Variants in RYR3 observed in about 807,000 individuals in gnomAD.
RYR3 encodes brain ryanodine receptor-calcium release channel.
RYR3 carries 207 observed loss-of-function variants against 584.3 expected under a neutral mutation model. The observed-to-expected ratio is 0.35, with a 90% confidence interval of 0.32 to 0.40. The LOEUF is 0.40. Among genes scored for constraint, RYR3 ranks in the 10% least tolerant of loss-of-function variants. RYR3 has a pLI of 1.00. For missense variants in RYR3, 5,616 were observed against 6,089.2 expected (o/e 0.92, Z 2.59); for synonymous variants, 2,416 against 2,248.5 (o/e 1.07, Z -2.11).
At chr15:33,714,355 T>C (rs576887562) in intron 43 of RYR3, among the ~76,000 whole-genome samples, 1 of 152,350 alleles carries the variant, frequency 6.6e-6, no homozygotes, top group South Asian at 2.1e-4. Flanking sequence ...TTAATGTTTG[T>C]AGTAAATCTT....
intron 3 of RYR3, among the ~76,000 whole-genome samples, chr15:33,504,974 G>A (rs987126764): frequency 2.0e-5 from 3 of 152,178 alleles, no homozygotes; most frequent in African/African-American, 7.2e-5. Flanking sequence ...GACAACATTA[G>A]GTACTTTTTC....
chr15:33,651,694 C>T (rs1017670233), intron 31 of RYR3, among the ~76,000 whole-genome samples: 2 of 152,212 alleles, frequency 1.3e-5, no homozygotes, highest in Non-Finnish European at 2.9e-5. Flanking sequence ...TGTGGCCTTG[C>T]CCTCCATGCT....
chr15:33,533,513 G>T lies in RYR3; in HGVS notation c.433+124G>T, dbSNP rs561034974. On this transcript the variant is annotated intron_variant, in intron 5 of 103. Coordinates refer to ENST00000634891, the MANE Select transcript of RYR3 (RefSeq NM_001036.6). ...ACCAACCTGGTTAAGAAATAGGTCT[G>T]AAAAAAAATTGCAGAATAATGAACT... 232 of 607,548 alleles carry T rather than the reference G, an allele frequency of 3.8e-4. 2 individuals carry two copies. In the South Asian group the frequency reaches 4.8e-3, roughly 13 times the overall value. The allele number at this position is 607,548 out of a possible 1,614,324, so 37.6% of individuals were successfully genotyped here.
intron 42 of RYR3, among the ~76,000 whole-genome samples, chr15:33,706,285 A>G (rs758778980): frequency 8.5e-5 from 13 of 152,342 alleles, no homozygotes; most frequent in East Asian, 1.9e-4. Flanking sequence ...GTAGTATTCA[A>G]TACTTTTGTA....
chr15:33,435,438 G>GTA (rs970187097), intron 1 of RYR3, among the ~76,000 whole-genome samples: 65 of 152,152 alleles, frequency 4.3e-4, no homozygotes, highest in Non-Finnish European at 7.3e-5. Flanking sequence ...TCCAGTCAGT[G>GTA]TATAGTTTGG....
intron 1 of RYR3, among the ~76,000 whole-genome samples, chr15:33,404,278 A>G (rs1040625585): frequency 6.6e-6 from 1 of 152,200 alleles, no homozygotes; most frequent in South Asian, 2.1e-4. Context: ...TTGAACGTGT[A>G]TGTGTTCATG....
chr15:33,317,918 ACTC>A (rs950734738), intron 1 of RYR3, among the ~76,000 whole-genome samples: 9 of 151,910 alleles, frequency 5.9e-5, no homozygotes, highest in African/African-American at 2.2e-4. Context: ...TATACAGTGA[ACTC>A]CTCATTGATT....
In RYR3 at chr15:33,763,676, G is replaced by A. The variant is rs569333695; in HGVS notation, c.8706-4982G>A. On this transcript the variant is annotated intron_variant, in intron 60 of 103. Coordinates refer to ENST00000634891, the MANE Select transcript of RYR3 (RefSeq NM_001036.6). ...GGGGAGCCCAAGGCAGGCAGATCAC[G>A]AGGTCAGGATTTTGAGACCAGCCTG... Among the ~76,000 whole-genome samples the A allele has an allele frequency of 1.4e-4, 22 of 152,014 alleles. No homozygotes were observed. The South Asian group carries it at 1.5e-3, about 10-fold the overall frequency.
intron 38 of RYR3, among the ~76,000 whole-genome samples, chr15:33,691,240 T>A (rs929962727): frequency 5.3e-5 from 8 of 152,260 alleles, no homozygotes; most frequent in Non-Finnish European, 1.0e-4. Context: ...TACCTAAGAA[T>A]GTTTTTGTAA....
chr15:33,865,838 C>CCATTCATTAGTTGTGATCTTCCGTCTTA lies in RYR3; in HGVS notation c.*614_*641dup, dbSNP rs1597157190. ...ATGTTTGTGTTCCAGAAGGACAGTT[C>CCATTCATTAGTTGTGATCTTCCGTCTTA]CATTCATTAGTTGTGATCTTCCGTC... On this transcript the variant is annotated 3_prime_UTR_variant, in exon 104 of 104. Coordinates refer to ENST00000634891, the MANE Select transcript of RYR3 (RefSeq NM_001036.6). The CCATTCATTAGTTGTGATCTTCCGTCTTA allele has an allele frequency of 1.3e-5, 2 of 152,748 alleles. No homozygotes were observed. The highest frequency in any genetic ancestry group is 3.8e-4 in the East Asian group (2 of 5,200). 9.5% of individuals were successfully genotyped at this position (152,748 alleles called of 1,614,324 possible). A position where few individuals can be genotyped will look rare whatever the true frequency, so the allele number is the denominator to read the frequency against.
chr15:33,740,839 C>T (rs1395845103), intron 51 of RYR3, among the ~76,000 whole-genome samples: 2 of 152,202 alleles, frequency 1.3e-5, no homozygotes, highest in African/African-American at 4.8e-5. Context: ...TCATGTGTAA[C>T]ATTCGTCTTT....
At chr15:33,683,986 T>A (rs960424691) in intron 38 of RYR3, among the ~76,000 whole-genome samples, 1 of 152,196 alleles carries the variant, frequency 6.6e-6, no homozygotes, top group East Asian at 1.9e-4. Flanking sequence ...GCCAGGAAGC[T>A]CGAACTGGGC....
intron 66 of RYR3, among the ~76,000 whole-genome samples, chr15:33,786,816 A>T (rs963991360): frequency 6.6e-6 from 1 of 152,196 alleles, no homozygotes; most frequent in African/African-American, 2.4e-5. Flanking sequence ...CAACACTGGT[A>T]TTTACTTTCC....
rs1157936259 is a variant in RYR3, at chr15:33,558,103, G to GT, written c.973-4728dup. On this transcript the variant is annotated intron_variant, in intron 10 of 103. Transcript: ENST00000634891. ...AGAACATTCTTTTTTAAATTTATTT[G>GT]TTTTTTATTATACTTTAAGTTCTAG... 3.1e-5 allele frequency among the ~76,000 whole-genome samples: 4 copies of GT among 129,890 alleles called. No homozygotes were observed. In the East Asian group the frequency reaches 5.8e-4, roughly 19 times the overall value. 85.2% of individuals were successfully genotyped at this position (129,890 alleles called of 152,430 possible).
At chr15:33,539,939 C>G (rs1260810590) in intron 6 of RYR3, among the ~76,000 whole-genome samples, 1 of 151,948 alleles carries the variant, frequency 6.6e-6, no homozygotes, top group African/African-American at 2.4e-5. Flanking sequence ...ATCTTGCTGT[C>G]TCAGGGGGAG....
intron 1 of RYR3, among the ~76,000 whole-genome samples, chr15:33,440,787 A>G (rs1223663130): frequency 6.6e-6 from 1 of 152,236 alleles, no homozygotes; most frequent in Non-Finnish European, 1.5e-5. Context: ...CGAGCTTGAT[A>G]TATGTGGTCC....
chr15:33,719,471 C>T (rs1263016709), intron 43 of RYR3, among the ~76,000 whole-genome samples: 1 of 152,208 alleles, frequency 6.6e-6, no homozygotes, highest in Admixed American at 6.5e-5. Flanking sequence ...AGCATTTCCA[C>T]CAGGTAACTG....
At chr15:33,317,998 G>A (rs990680902) in intron 1 of RYR3, among the ~76,000 whole-genome samples, 2 of 152,212 alleles carry the variant, frequency 1.3e-5, no homozygotes. Flanking sequence ...TGGATTCAAT[G>A]CCCAAGAAGA....
chr15:33,531,411 A>G (rs2054856398), intron 4 of RYR3, among the ~76,000 whole-genome samples: 2 of 152,084 alleles, frequency 1.3e-5, no homozygotes, highest in South Asian at 2.1e-4. Context: ...TTATTACTCA[A>G]TCAACTATAT....
Sources: gnomAD v4.1 joint callset for allele counts (sites outside exome capture counted in the v4.1 genomes callset) on GRCh38, gnomAD v4.1.1 for gene constraint, MANE v1.5 for transcripts, NCBI Gene and HGNC (gene_info 2026-07-23, HGNC 2026-07-21) for gene names.